The following BTBD2 variants were observed in gnomAD, a reference collection of about 807,000 sequenced individuals.
The protein encoded by BTBD2 is BTB/POZ domain-containing protein 2.
BTBD2 carries 15 observed loss-of-function variants against 44.0 expected under a neutral mutation model. That is an observed-to-expected ratio of 0.34 (90% CI 0.23 to 0.53). BTBD2 has a LOEUF of 0.53. Ranked by LOEUF, BTBD2 falls within the 20% of genes least tolerant of loss-of-function variation. The pLI is 0.95. For synonymous variants in BTBD2, 443 were observed against 335.9 expected, an observed-to-expected ratio of 1.32 and a Z score of -3.49; for missense variants, 657 against 746.4, an observed-to-expected ratio of 0.88 and a Z score of 1.39.
At chr19:2,005,781 C>CA (rs71176506) in intron 1 of BTBD2, among the ~76,000 whole-genome samples, 1,738 of 132,016 alleles carry the variant, frequency 0.013, 30 homozygotes, top group African/African-American at 0.041. Context: ...AACTCCGTCT[C>CA]AAAAAAAAAA....
rs1204910852 is a variant in BTBD2, at chr19:1,985,660, T to C, written c.*828A>G. The C allele has an allele frequency of 1.3e-5, 2 of 152,198 alleles. No individual in the cohort carries two copies. The highest frequency in any genetic ancestry group is 1.9e-4 in the East Asian group (1 of 5,176). The allele number at this position is 152,198 out of a possible 1,614,324, so 9.4% of individuals were successfully genotyped here. A position where few individuals can be genotyped will look rare whatever the true frequency, so the allele number is the denominator to read the frequency against. On this transcript the variant is annotated 3_prime_UTR_variant, in exon 9 of 9. Coordinates refer to ENST00000255608, the MANE Select transcript of BTBD2 (RefSeq NM_017797.4). ...CACCAGGTGGGCTAGGGCAACAGTA[T>C]GTACAGGCGAGCAGTGCTCCTGGAC...
At chr19:1,993,257 C>A in intron 2 of BTBD2, 81 bp from the exon 3 acceptor site, 2 of 1,475,096 alleles carry the variant, frequency 1.4e-6, no homozygotes, top group Non-Finnish European at 1.8e-6. Context: ...CCACTCAGAC[C>A]GTTAGACTCG....
intron 1 of BTBD2, among the ~76,000 whole-genome samples, chr19:2,004,220 G>A (rs2016365703): frequency 6.6e-6 from 1 of 151,688 alleles, no homozygotes; most frequent in Non-Finnish European, 1.5e-5. Context: ...CACCCACCCT[G>A]GGAACATACC....
At chr19:1,999,278 C>G (rs550368049) in intron 1 of BTBD2, among the ~76,000 whole-genome samples, 2 of 152,174 alleles carry the variant, frequency 1.3e-5, no homozygotes, top group Admixed American at 1.3e-4. Context: ...CCTCGGAATG[C>G]GAGGCCCGGC....
chr19:1,997,789 C>T (rs2016270975), intron 1 of BTBD2, among the ~76,000 whole-genome samples: 1 of 152,262 alleles, frequency 6.6e-6, no homozygotes, highest in Admixed American at 6.5e-5. Context: ...CATATGCATG[C>T]ATTTATTCAC....
At chr19:1,995,438 T>C (rs539115150) in intron 2 of BTBD2, among the ~76,000 whole-genome samples, 44 of 150,992 alleles carry the variant, frequency 2.9e-4, no homozygotes, top group Non-Finnish European at 4.3e-4. Flanking sequence ...CCTGCCACCA[T>C]GCCCGGCTAA....
At position 1,986,906 on chromosome 19, in the gene BTBD2, C is replaced by T. The variant is rs775651816; in HGVS notation, c.1340G>A (p.Ser447Asn). 3 of 1,613,220 alleles carry T rather than the reference C, an allele frequency of 1.9e-6. No individual in the cohort carries two copies. Among genetic ancestry groups the T allele is most frequent in the South Asian group, 1.1e-5 (1 of 91,072 alleles). Residue 447 changes from serine to asparagine, a missense_variant, in exon 8 of 9, where the codon AGC becomes AAC. By Grantham distance (46) the Ser-to-Asn change is conservative. Transcript: ENST00000255608. Reference protein sequence around the residue: ...DTGFSCDGSASTFRVMFKEPV... With the variant: ...DTGFSCDGSANTFRVMFKEPV... ...CTCCTTGAACATGACGCGGAAGGTGCTGGCTGAGCCGTCGCAGCTGAAGCC... is the reference window on the plus strand; with the variant it reads ...CTCCTTGAACATGACGCGGAAGGTGTTGGCTGAGCCGTCGCAGCTGAAGCC...
In BTBD2 at chr19:1,986,660, TA is replaced by T; in HGVS notation, c.1417-12del. The stretch of plus-strand genomic sequence containing the variant: ...GTGGGAGTCTGGGCCCTGTAGGGAA[TA>T]GGGGTACAGTGAGGTCAAGGACCAC... On this transcript the variant is annotated splice_polypyrimidine_tract_variant and intron_variant, in intron 8 of 8. Coordinates refer to ENST00000255608, the MANE Select transcript of BTBD2 (RefSeq NM_017797.4). The T allele has an allele frequency of 6.2e-7, 1 of 1,612,934 alleles. No individual in the cohort carries two copies. Among genetic ancestry groups the T allele is most frequent in the African/African-American group, 1.3e-5 (1 of 74,992 alleles).
At position 2,010,570 on chromosome 19, in the gene BTBD2, C is replaced by T. The variant is rs1161764238; in HGVS notation, c.407+4727G>A. Reference sequence around the variant, plus strand: ...TGCTCTCCTCACAGCTGGCAAGGCCCGGCCCCTCTCTGCTCATCGGTGAAC... The same window carrying T: ...TGCTCTCCTCACAGCTGGCAAGGCCTGGCCCCTCTCTGCTCATCGGTGAAC... On this transcript the variant is annotated intron_variant, in intron 1 of 8. Coordinates refer to ENST00000255608, the MANE Select transcript of BTBD2 (RefSeq NM_017797.4). Among the ~76,000 whole-genome samples the T allele has an allele frequency of 4.6e-5, 7 of 152,158 alleles. 1 individual carries two copies. The East Asian group carries it at 5.8e-4, about 13-fold the overall frequency.
chr19:1,997,367 G>T lies in BTBD2; in HGVS notation c.504C>A (p.Pro168=), dbSNP rs577597760. The change falls in exon 2 of 9, where the codon CCC becomes CCA. Residue 168 remains proline (P), a synonymous_variant. Coordinates refer to ENST00000255608, the MANE Select transcript of BTBD2 (RefSeq NM_017797.4). ...ACTTGAGCAGTGCGAGGAAGGCAGCGGGTTCCACGTCGGGCAGCTCAATCT... is the reference window on the plus strand; with the variant it reads ...ACTTGAGCAGTGCGAGGAAGGCAGCTGGTTCCACGTCGGGCAGCTCAATCT... ...STEIELPDVE[P]AAFLALLKFL... The T allele has an allele frequency of 1.2e-6, 2 of 1,614,032 alleles. No individual in the cohort carries two copies. The highest frequency in any genetic ancestry group is 2.2e-5 in the South Asian group (2 of 91,090).
chr19:1,999,195 C>T (rs62129511), intron 1 of BTBD2, among the ~76,000 whole-genome samples: 68,652 of 151,550 alleles, frequency 0.45, 16,185 homozygotes, highest in African/African-American at 0.58. Context: ...TGACTGCACC[C>T]CAGAGTCAGG....
chr19:2,005,162 G>C (rs928707552), intron 1 of BTBD2, among the ~76,000 whole-genome samples: 2 of 152,076 alleles, frequency 1.3e-5, no homozygotes, highest in African/African-American at 2.4e-5. Flanking sequence ...TCTGTGAACC[G>C]CGGTTTGTTT....
intron 5 of BTBD2, among the ~76,000 whole-genome samples, chr19:1,988,725 T>A (rs1292723677): frequency 1.3e-5 from 2 of 152,118 alleles, no homozygotes; most frequent in Admixed American, 6.5e-5. Flanking sequence ...TGCCTCAGCC[T>A]CCAGCATAGC....
intron 1 of BTBD2, among the ~76,000 whole-genome samples, chr19:2,003,834 A>C (rs1005236479): frequency 6.6e-6 from 1 of 151,734 alleles, no homozygotes; most frequent in Non-Finnish European, 1.5e-5. Flanking sequence ...GGACCCCAAA[A>C]TCACTACTCC....
chr19:1,995,392 C>T (rs952910979), intron 2 of BTBD2, among the ~76,000 whole-genome samples: 2 of 151,284 alleles, frequency 1.3e-5, no homozygotes, highest in African/African-American at 4.9e-5. Context: ...CACCATTCTC[C>T]TGCCTCAGCC....
chr19:2,003,767 G>A (rs1180144528), intron 1 of BTBD2, among the ~76,000 whole-genome samples: 22 of 118,952 alleles, frequency 1.8e-4, no homozygotes, highest in African/African-American at 5.6e-4. Flanking sequence ...ACGAAACTCC[G>A]TCAAAGAAAA....
At chr19:1,990,891 C>G (rs999110209) in intron 3 of BTBD2, 69 bp from the exon 4 acceptor site, 1 of 1,387,882 alleles carries the variant, frequency 7.2e-7, no homozygotes, top group Non-Finnish European at 9.8e-7. Context: ...ATCCCCAGTG[C>G]GGGGCCGGTT....
intron 1 of BTBD2, chr19:2,003,641 G>C (rs895549773): frequency 6.6e-6 from 1 of 151,452 alleles, no homozygotes; most frequent in African/African-American, 2.4e-5. Context: ...GGTGATGCAT[G>C]CCTGTAATCC....
intron 1 of BTBD2, chr19:2,013,594 G>A (rs2016494715): frequency 1.0e-6 from 1 of 988,518 alleles, no homozygotes; most frequent in Non-Finnish European, 1.2e-6. Flanking sequence ...GGAGCTGGAG[G>A]TGGGTGGTCA....
Sources: gnomAD v4.1 joint callset for allele counts (sites outside exome capture counted in the v4.1 genomes callset) on GRCh38, gnomAD v4.1.1 for gene constraint, MANE v1.5 for transcripts, NCBI Gene and HGNC (gene_info 2026-07-23, HGNC 2026-07-21) for gene names.